The following ABAT variants were observed in gnomAD, a reference collection of about 807,000 sequenced individuals.
ABAT encodes 4-aminobutyrate aminotransferase, mitochondrial.
Under a neutral mutation model 64.6 loss-of-function variants are expected in ABAT, and 45 were observed. The ratio of observed to expected loss-of-function variants is 0.70; its 90% CI spans 0.55 to 0.89. The LOEUF (loss-of-function observed/expected upper bound fraction) is 0.89, where lower values mean the gene tolerates loss of function less well. Ranked by LOEUF, ABAT falls within the 40% of genes least tolerant of loss-of-function variation. The pLI is 0.00. For synonymous variants in ABAT, 297 were observed against 250.5 expected, an observed-to-expected ratio of 1.19 and a Z score of -1.75; for missense variants, 633 against 658.4, an observed-to-expected ratio of 0.96 and a Z score of 0.42.
intron 2 of ABAT, among the ~76,000 whole-genome samples, chr16:8,738,032 G>GAAAGAAAGAAAGACA (rs1567295886): frequency 5.1e-5 from 4 of 78,346 alleles, no homozygotes; most frequent in African/African-American, 1.3e-4. Flanking sequence ...AAAGAAAGAA[G>GAAAGAAAGAAAGACA]GACAGACAGA....
At chr16:8,753,802 G>A (rs1213669027) in intron 5 of ABAT, among the ~76,000 whole-genome samples, 1 of 152,212 alleles carries the variant, frequency 6.6e-6, no homozygotes, top group East Asian at 1.9e-4. Flanking sequence ...CCCCCTCCAA[G>A]GCTGTCTCAT....
rs764870964 is a variant in ABAT at position 8,776,412 on chromosome 16, C to T, written c.1191C>T (p.Asn397=). The T allele has an allele frequency of 5.0e-6, 8 of 1,614,228 alleles. No homozygotes were observed. The highest frequency in any genetic ancestry group is 4.2e-6 in the Non-Finnish European group (5 of 1,180,046). Residue 397 remains asparagine (N), a synonymous_variant, in exon 14 of 16, where the codon AAC becomes AAT. Transcript: ENST00000268251. This position sits in a 1 kb window ranked among gnomAD's most constrained non-coding sequence, Gnocchi z 4.4. ...SKNLLLAEVI[N]IIKREDLLNN... is the part of the protein sequence containing the mutation. ...ACCTGTTGCTGGCTGAGGTCATCAA[C>T]ATCATCAAGCGGGAGGACCTGCTAA...
chr16:8,767,581 C>CT (rs1357140641), intron 9 of ABAT, among the ~76,000 whole-genome samples: 1 of 152,238 alleles, frequency 6.6e-6, no homozygotes, highest in Non-Finnish European at 1.5e-5. Context: ...TGCTTGGCCA[C>CT]TTACAGCTGC....
intron 1 of ABAT, among the ~76,000 whole-genome samples, chr16:8,680,882 C>G (rs1437904637): frequency 1.3e-5 from 2 of 152,154 alleles, no homozygotes; most frequent in African/African-American, 2.4e-5. Context: ...AATGTCTACT[C>G]AAGTTCTTTG....
chr16:8,756,922 G>A (rs1022453697), intron 5 of ABAT, among the ~76,000 whole-genome samples: 4 of 152,206 alleles, frequency 2.6e-5, no homozygotes, highest in African/African-American at 9.7e-5. Context: ...GCCCAGTCTG[G>A]ATGGTAAATG....
At chr16:8,681,255 T>G (rs116399464) in intron 1 of ABAT, among the ~76,000 whole-genome samples, 505 of 152,028 alleles carry the variant, frequency 3.3e-3, no homozygotes, top group African/African-American at 0.011. Flanking sequence ...CCTCCCAAAG[T>G]GCTGGGATTA....
intron 1 of ABAT, chr16:8,731,435 G>A (rs2058715901): frequency 6.6e-6 from 1 of 152,038 alleles, no homozygotes; most frequent in Admixed American, 6.6e-5. Context: ...TTGTTTCTTG[G>A]TTCAGCCACA....
At chr16:8,749,752 C>T (rs1282347512) in intron 4 of ABAT, among the ~76,000 whole-genome samples, 2 of 151,604 alleles carry the variant, frequency 1.3e-5, no homozygotes, top group Non-Finnish European at 2.9e-5. Flanking sequence ...CTCACTCTGT[C>T]GCCCCAGGTT....
intron 1 of ABAT, among the ~76,000 whole-genome samples, chr16:8,717,171 T>A (rs1445001783): frequency 6.6e-6 from 1 of 152,090 alleles, no homozygotes; most frequent in Admixed American, 6.5e-5. Context: ...ACACCTGTCA[T>A]CCCAGCTACT....
chr16:8,679,298 A>G lies in ABAT; in HGVS notation c.-42+4587A>G, dbSNP rs1365147601. Among the ~76,000 whole-genome samples, 4 of 152,302 alleles carry G rather than the reference A, an allele frequency of 2.6e-5. No homozygotes were observed. In the East Asian group the frequency reaches 7.7e-4, roughly 29 times the overall value. ...TTCAGCTTTGAGTTTGCTGATAGTT[A>G]CGGGGCCAAGAGACAGGAATCTGAG... On this transcript the variant is annotated intron_variant, in intron 1 of 15. Coordinates refer to ENST00000268251, the MANE Select transcript of ABAT (RefSeq NM_020686.6).
At chr16:8,696,242 A>T (rs2057698545) in intron 1 of ABAT, among the ~76,000 whole-genome samples, 1 of 152,120 alleles carries the variant, frequency 6.6e-6, no homozygotes, top group East Asian at 1.9e-4. Flanking sequence ...CAGCACTGGG[A>T]ACCCAGGAGG....
At chr16:8,737,601 A>T (rs1410573164) in intron 2 of ABAT, 1 of 152,078 alleles carries the variant, frequency 6.6e-6, no homozygotes, top group Non-Finnish European at 1.5e-5. Context: ...TTAACATCTT[A>T]CATCACCAAG....
chr16:8,741,952 T>G (rs2059172211), intron 2 of ABAT, among the ~76,000 whole-genome samples: 1 of 152,260 alleles, frequency 6.6e-6, no homozygotes, highest in South Asian at 2.1e-4. Context: ...TTTGCCTAAA[T>G]AGGGCCAGCC....
At chr16:8,737,198 G>A (rs2058968416) in intron 2 of ABAT, 1 of 152,218 alleles carries the variant, frequency 6.6e-6, no homozygotes, top group South Asian at 2.1e-4. Flanking sequence ...AAACATCTTG[G>A]CCGGGCGCAG....
At chr16:8,711,333 G>A (rs1394826918) in intron 1 of ABAT, among the ~76,000 whole-genome samples, 4 of 151,952 alleles carry the variant, frequency 2.6e-5, no homozygotes, top group Non-Finnish European at 5.9e-5. Context: ...GTCCAGGTAG[G>A]AAACGATGGG....
At chr16:8,708,543 T>A (rs552861647) in intron 1 of ABAT, among the ~76,000 whole-genome samples, 1 of 152,240 alleles carries the variant, frequency 6.6e-6, no homozygotes, top group African/African-American at 2.4e-5. Flanking sequence ...TCAAGCAATC[T>A]CCCTGCCTCT....
At chr16:8,685,435 C>T (rs1398757243) in intron 1 of ABAT, among the ~76,000 whole-genome samples, 2 of 151,768 alleles carry the variant, frequency 1.3e-5, no homozygotes, top group East Asian at 1.9e-4. Context: ...TTTGGGAGGC[C>T]GAGGCAGGCA....
At chr16:8,737,948 G>A (rs2059005231) in intron 2 of ABAT, among the ~76,000 whole-genome samples, 1 of 14,492 alleles carries the variant, frequency 6.9e-5, no homozygotes, top group Admixed American at 7.0e-4. Context: ...AGGAAAGGAA[G>A]AAAGGAAGGA....
At chr16:8,737,797 AG>A (rs2058994470) in intron 2 of ABAT, among the ~76,000 whole-genome samples, 1 of 149,758 alleles carries the variant, frequency 6.7e-6, no homozygotes, top group African/African-American at 2.5e-5. Flanking sequence ...GTGTGGTGGC[AG>A]GCACCTGTAA....
Sources: gnomAD v4.1 joint callset for allele counts (sites outside exome capture counted in the v4.1 genomes callset) on GRCh38, gnomAD v4.1.1 for gene constraint, Gnocchi (gnomAD v3.1) non-coding constraint, MANE v1.5 for transcripts, NCBI Gene and HGNC (gene_info 2026-07-23, HGNC 2026-07-21) for gene names.